Variants in ZNF536 observed in about 807,000 individuals in gnomAD.
ZNF536 encodes the protein zinc finger protein 536.
A neutral mutation model predicts 84.5 loss-of-function variants in ZNF536; 13 were observed. The observed-to-expected ratio is 0.15, with a 90% CI of 0.10 to 0.24. The LOEUF (loss-of-function observed/expected upper bound fraction) is 0.24, where lower values mean the gene tolerates loss of function less well. ZNF536 is among the 10% of genes least tolerant of loss of function. The pLI, the probability that ZNF536 is intolerant of heterozygous loss-of-function variation, is 1.00. For missense variants in ZNF536, 1,536 were observed against 1,747.5 expected, an observed-to-expected ratio of 0.88 and a Z score of 2.16; for synonymous variants, 811 against 742.5, an observed-to-expected ratio of 1.09 and a Z score of -1.50.
chr19:30,707,585 C>T (rs2052293522), intron 1 of ZNF536, among the ~76,000 whole-genome samples: 1 of 152,144 alleles, frequency 6.6e-6, no homozygotes, highest in East Asian at 1.9e-4. Flanking sequence ...TGTTCTTGTA[C>T]TTTATTTTGT....
chr19:30,233,818 A>G (rs1303044539), intron 1 of ZNF536, among the ~76,000 whole-genome samples: 2 of 152,180 alleles, frequency 1.3e-5, no homozygotes, highest in East Asian at 1.9e-4. Context: ...TGGAGTTGGC[A>G]TGCTTAGCTC....
chr19:30,374,804 C>A (rs1375045595), intron 1 of ZNF536, among the ~76,000 whole-genome samples: 1 of 151,858 alleles, frequency 6.6e-6, no homozygotes, highest in Non-Finnish European at 1.5e-5. Context: ...CACCCCCAGC[C>A]GGCGCCCGGG....
At chr19:30,659,996 T>A (rs1398429916) in intron 1 of ZNF536, among the ~76,000 whole-genome samples, 1 of 152,060 alleles carries the variant, frequency 6.6e-6, no homozygotes, top group East Asian at 1.9e-4. Context: ...TATGTGTTTA[T>A]CCTCTTCAAT....
intron 2 of ZNF536, among the ~76,000 whole-genome samples, chr19:30,322,684 A>T (rs1385750722): frequency 6.6e-6 from 1 of 152,064 alleles, no homozygotes; most frequent in African/African-American, 2.4e-5. Context: ...TTTGGAGCTC[A>T]CAGTAAGTTT....
intron 2 of ZNF536, among the ~76,000 whole-genome samples, chr19:30,284,542 T>C (rs2045564419): frequency 6.6e-6 from 1 of 152,236 alleles, no homozygotes; most frequent in Admixed American, 6.5e-5. Context: ...CTCAGTGGCT[T>C]GGCCCAGTCT....
At chr19:30,231,263 C>T (rs10405501) in intron 1 of ZNF536, among the ~76,000 whole-genome samples, 17,820 of 152,270 alleles carry the variant, frequency 0.12, 1,778 homozygotes, top group African/African-American at 0.27. Flanking sequence ...CAGGCCAGTG[C>T]TCAGCCCTGC....
At chr19:30,699,971 T>C (rs55972746) in intron 1 of ZNF536, among the ~76,000 whole-genome samples, 52,013 of 148,136 alleles carry the variant, frequency 0.35, 9,512 homozygotes, top group East Asian at 0.56. Flanking sequence ...CTCCTTTCCT[T>C]TCTCTCTTCT....
At chr19:30,700,558 T>G (rs1367588361) in intron 1 of ZNF536, among the ~76,000 whole-genome samples, 1 of 152,128 alleles carries the variant, frequency 6.6e-6, no homozygotes, top group East Asian at 1.9e-4. Context: ...TGGCTCATTT[T>G]AAAATTTTTG....
rs530656694 is a variant in ZNF536, at chr19:30,478,926, C to T, written c.2170+33194C>T. 2.0e-5 allele frequency among the ~76,000 whole-genome samples: 3 copies of T among 152,288 alleles called. No homozygotes were observed. The South Asian group carries it at 6.2e-4, about 32-fold the overall frequency. On this transcript the variant is annotated intron_variant, in intron 2 of 4. Coordinates refer to ENST00000355537, the MANE Select transcript of ZNF536 (RefSeq NM_014717.3). ...GCTCCCTCTCCTTTTGGAAACTCAT[C>T]CTTCCGAGGCCATTTTTGCCTGTCT...
At chr19:30,448,544 C>G (rs2052457380) in intron 2 of ZNF536, among the ~76,000 whole-genome samples, 3 of 152,236 alleles carry the variant, frequency 2.0e-5, no homozygotes, top group Non-Finnish European at 2.9e-5. Flanking sequence ...ACAAATTTCT[C>G]AGACTGCATA....
At chr19:30,495,521 C>T (rs1047369655) in intron 2 of ZNF536, among the ~76,000 whole-genome samples, 2 of 152,156 alleles carry the variant, frequency 1.3e-5, no homozygotes, top group African/African-American at 4.8e-5. Flanking sequence ...GTGTTTCGAA[C>T]AGAGAGAAAG....
chr19:30,353,481 G>C (rs1419253276), intron 3 of ZNF536, among the ~76,000 whole-genome samples: 2 of 152,102 alleles, frequency 1.3e-5, no homozygotes, highest in Non-Finnish European at 2.9e-5. Flanking sequence ...TAAGAAAAAG[G>C]AACAGCGAAC....
chr19:30,640,695 T>C (rs1397343046), intron 1 of ZNF536, among the ~76,000 whole-genome samples: 1 of 152,206 alleles, frequency 6.6e-6, no homozygotes, highest in Non-Finnish European at 1.5e-5. Flanking sequence ...GCACAGGCAC[T>C]CCATATCCTA....
chr19:30,452,855 C>A (rs751270904), intron 2 of ZNF536, among the ~76,000 whole-genome samples: 1 of 152,034 alleles, frequency 6.6e-6, no homozygotes, highest in Non-Finnish European at 1.5e-5. Context: ...TCTCCTCTGT[C>A]GGCATCTGAT....
At chr19:30,406,311 C>A (rs552710056) in intron 1 of ZNF536, among the ~76,000 whole-genome samples, 1 of 152,022 alleles carries the variant, frequency 6.6e-6, no homozygotes, top group African/African-American at 2.4e-5. Context: ...GACGAGAGAG[C>A]GGAGTGTGGT....
At chr19:30,430,696 G>A (rs1239245388) in intron 1 of ZNF536, among the ~76,000 whole-genome samples, 1 of 152,162 alleles carries the variant, frequency 6.6e-6, no homozygotes, top group African/African-American at 2.4e-5. Flanking sequence ...CCTGAGAAAA[G>A]GGAGTCCTTT....
chr19:30,600,055 TG>T (rs1187150652), intron 1 of ZNF536, among the ~76,000 whole-genome samples: 62 of 147,780 alleles, frequency 4.2e-4, no homozygotes, highest in South Asian at 1.3e-3. Flanking sequence ...TTTTTTTTTT[TG>T]TTGTTGTTGT....
At chr19:30,434,858 G>A (rs2051641179) in intron 1 of ZNF536, among the ~76,000 whole-genome samples, 1 of 151,288 alleles carries the variant, frequency 6.6e-6, no homozygotes, top group Non-Finnish European at 1.5e-5. Context: ...TGATGATGGT[G>A]ATAATGATGA....
intron 2 of ZNF536, among the ~76,000 whole-genome samples, chr19:30,472,835 A>G (rs1352131053): frequency 2.6e-5 from 4 of 152,072 alleles, no homozygotes; most frequent in Admixed American, 6.6e-5. Flanking sequence ...GCTGCAAGGA[A>G]GTGCTCCAAG....
Sources: allele counts gnomAD v4.1 joint callset (sites outside exome capture counted in the v4.1 genomes callset), GRCh38; gene constraint gnomAD v4.1.1; transcripts MANE v1.5; gene names NCBI Gene and HGNC (gene_info 2026-07-23, HGNC 2026-07-21).